RBM34: variants seen among roughly 807,000 people sequenced by gnomAD.
RBM34 encodes the protein RNA binding motif protein 34.
Under a neutral mutation model 44.6 loss-of-function variants are expected in RBM34, and 39 were observed. The observed-to-expected ratio is 0.87, with a 90% CI of 0.68 to 1.14. RBM34 has a LOEUF of 1.14. Among genes scored for constraint, RBM34 ranks in the 50% most tolerant of loss-of-function variants. RBM34 has a pLI of 0.00. For missense variants in RBM34, 572 were observed against 517.9 expected (o/e 1.10, Z -1.01); for synonymous variants, 194 against 184.0 (o/e 1.05, Z -0.44).
chr1:235,140,315 G>A (rs542507661), intron 6 of RBM34, among the ~76,000 whole-genome samples: 64 of 152,200 alleles, frequency 4.2e-4, no homozygotes, highest in Admixed American at 4.1e-3. Context: ...CCAGGGCTGC[G>A]CGGCGCTTGC....
chr1:235,146,775 C>T (rs1172741367), intron 6 of RBM34, among the ~76,000 whole-genome samples: 3 of 152,110 alleles, frequency 2.0e-5, no homozygotes, highest in Non-Finnish European at 4.4e-5. Context: ...CATGTGCCAC[C>T]ACACCCTGCT....
chr1:235,149,585 A>T (rs928968709), intron 5 of RBM34, among the ~76,000 whole-genome samples: 1 of 152,156 alleles, frequency 6.6e-6, no homozygotes, highest in Admixed American at 6.5e-5. Flanking sequence ...CAGGTAAGGG[A>T]ATCCCCTTTA....
chr1:235,148,748 G>A (rs576536791), intron 5 of RBM34, among the ~76,000 whole-genome samples: 14 of 151,946 alleles, frequency 9.2e-5, no homozygotes, highest in African/African-American at 2.7e-4. Flanking sequence ...ACAGGCGCCC[G>A]CCACCACGCC....
rs185662025 is a variant in RBM34 at position 235,131,321 on chromosome 1, A to T, written c.*392T>A. On this transcript the variant is annotated 3_prime_UTR_variant, in exon 11 of 11. Coordinates refer to ENST00000408888, the MANE Select transcript of RBM34 (RefSeq NM_015014.4). ...CAGGAGTTCGAGACCAGCCTGGCCA[A>T]CATGGTGAAACCCCGTCTCTACTAA... 619 of 161,438 alleles carry T rather than the reference A, an allele frequency of 3.8e-3. 4 individuals carry two copies. Among genetic ancestry groups the T allele is most frequent in the Non-Finnish European group, 5.6e-3 (410 of 73,524 alleles). 10.0% of individuals were successfully genotyped at this position (161,438 alleles called of 1,614,324 possible).
chr1:235,138,054 G>C (rs775012554), intron 7 of RBM34, 37 bp downstream of exon 7: 1 of 1,567,818 alleles, frequency 6.4e-7, no homozygotes, highest in Non-Finnish European at 8.7e-7. Flanking sequence ...ATACTTATAG[G>C]ACAATTATTC....
At position 235,131,206 on chromosome 1, in the gene RBM34, T is replaced by A. The variant is rs1349126736; in HGVS notation, c.*507A>T. ...AGTAAGGTTAAGAGCAGAGGTTTAA[T>A]AGGCAAAAGAGAAAGGAGGCTTGGG... On this transcript the variant is annotated 3_prime_UTR_variant, in exon 11 of 11. Coordinates refer to ENST00000408888, the MANE Select transcript of RBM34 (RefSeq NM_015014.4). 6.5e-6 allele frequency: 1 copy of A among 153,654 alleles called. No individual in the cohort carries two copies. The highest frequency in any genetic ancestry group is 1.4e-5 in the Non-Finnish European group (1 of 69,156). 9.5% of individuals were successfully genotyped at this position (153,654 alleles called of 1,614,324 possible). A position where few individuals can be genotyped will look rare whatever the true frequency, so the allele number is the denominator to read the frequency against.
intron 3 of RBM34, 100 bp downstream of exon 3, chr1:235,160,411 G>C (rs1454263734): frequency 4.8e-6 from 7 of 1,448,116 alleles, no homozygotes; most frequent in Non-Finnish European, 6.7e-6. Context: ...AGTTTTGAAA[G>C]AAAGTAGAAA....
In RBM34 at chr1:235,150,775, C is replaced by T. The variant is rs555961734; in HGVS notation, c.657+1931G>A. 8.5e-5 allele frequency among the ~76,000 whole-genome samples: 13 copies of T among 152,250 alleles called. No individual in the cohort carries two copies. In the South Asian group the frequency reaches 2.1e-3, roughly 24 times the overall value. ...CTTACAGTCTGGTGGAGGAGGCAAA[C>T]GACAATTTCAGTAGAGTGTACTAAG... On this transcript the variant is annotated intron_variant, in intron 5 of 10. Coordinates refer to ENST00000408888, the MANE Select transcript of RBM34 (RefSeq NM_015014.4).
chr1:235,152,907 C>T (rs866320510), intron 4 of RBM34, 142 bp from the exon 5 acceptor site: 5 of 691,610 alleles, frequency 7.2e-6, no homozygotes, highest in Non-Finnish European at 1.1e-5. Context: ...CTTGCACTTT[C>T]GCCCAGGCTG....
At chr1:235,139,958 G>C (rs1411037795) in intron 6 of RBM34, among the ~76,000 whole-genome samples, 1 of 152,260 alleles carries the variant, frequency 6.6e-6, no homozygotes, top group African/African-American at 2.4e-5. Flanking sequence ...AGCTGCCGAG[G>C]CAGGAGTGTG....
chr1:235,133,340 C>T (rs960155098), intron 10 of RBM34, among the ~76,000 whole-genome samples: 3 of 151,794 alleles, frequency 2.0e-5, no homozygotes, highest in African/African-American at 7.3e-5. Context: ...GACTCTGTCT[C>T]AAAAACAAAA....
rs773783255 is a variant in RBM34 at position 235,160,517 on chromosome 1, G to C, written c.359C>G (p.Ala120Gly). ...KKHTNAEKKL[A>G]DRESALASAD... ...ATAAGAGAATTTTACCAACCTGTCT[G>C]CCAACTTTTTTTCTGCGTTAGTGTG... Residue 120 changes from alanine to glycine, a missense_variant, in exon 3 of 11, where the codon GCA (alanine) becomes GGA (glycine). Physicochemically the swap from Ala to Gly is moderately conservative, Grantham distance 60 (BLOSUM62 0). Transcript: ENST00000408888. 1.2e-6 allele frequency: 2 copies of C among 1,609,672 alleles called. No individual in the cohort carries two copies. The highest frequency in any genetic ancestry group is 4.5e-5 in the East Asian group (2 of 44,868).
Position 235,132,055 on chromosome 1 carries a change from A to G in RBM34, c.1009-58T>C, listed in dbSNP as rs1203762939. ...CCAGAAACCCATCTGCAAAGAAACT[A>G]GTGAAAGTGTCACTTTAACAGATGA... is the stretch of plus-strand genomic sequence containing the variant. On this transcript the variant is annotated intron_variant, in intron 10 of 10. Transcript: ENST00000408888. 1.7e-5 allele frequency: 25 copies of G among 1,450,140 alleles called. No individual in the cohort carries two copies. The Admixed American group carries it at 5.4e-4, about 31-fold the overall frequency. 89.8% of individuals were successfully genotyped at this position (1,450,140 alleles called of 1,614,324 possible). A position where few individuals can be genotyped will look rare whatever the true frequency, so the allele number is the denominator to read the frequency against.
At chr1:235,135,897 A>C in intron 9 of RBM34, 127 bp from the exon 10 acceptor site, 1 of 1,213,338 alleles carries the variant, frequency 8.2e-7, no homozygotes, top group Non-Finnish European at 1.2e-6. Flanking sequence ...CACACTTTTT[A>C]GTACATGTGC....
intron 5 of RBM34, among the ~76,000 whole-genome samples, chr1:235,151,016 A>C (rs1662137440): frequency 6.6e-6 from 1 of 152,216 alleles, no homozygotes; most frequent in Non-Finnish European, 1.5e-5. Flanking sequence ...GAGCTTCAGG[A>C]AGACTGAGTT....
chr1:235,138,549 CCA>C (rs1200006671), intron 6 of RBM34, among the ~76,000 whole-genome samples: 1 of 152,104 alleles, frequency 6.6e-6, no homozygotes. Context: ...TGTGAAACAC[CCA>C]TATAGAAGAG....
intron 6 of RBM34, among the ~76,000 whole-genome samples, chr1:235,141,851 G>T (rs982811517): frequency 6.6e-6 from 1 of 152,060 alleles, no homozygotes; most frequent in Admixed American, 6.6e-5. Flanking sequence ...AAGAAACTCC[G>T]AACAAATCCG....
chr1:235,155,145 G>C (rs1662343331), intron 3 of RBM34, 33 bp from the exon 4 acceptor site: 1 of 1,559,700 alleles, frequency 6.4e-7, no homozygotes. Context: ...TAAGCAGTAA[G>C]AGTCATGCCA....
chr1:235,159,104 A>T (rs1662576644), intron 3 of RBM34, among the ~76,000 whole-genome samples: 1 of 151,598 alleles, frequency 6.6e-6, no homozygotes, highest in Non-Finnish European at 1.5e-5. Flanking sequence ...TCTAAGCAAC[A>T]CAGGAGGCTG....
Sources: gnomAD v4.1 joint callset for allele counts (sites outside exome capture counted in the v4.1 genomes callset) on GRCh38, gnomAD v4.1.1 for gene constraint, MANE v1.5 for transcripts, NCBI Gene and HGNC (gene_info 2026-07-23, HGNC 2026-07-21) for gene names.